UGT1A7: variants seen among roughly 807,000 people sequenced by gnomAD.
The protein encoded by UGT1A7 is UDP glucuronosyltransferase family 1 member A7.
In UGT1A7, 33 loss-of-function variants were observed where a neutral mutation model predicts 45.6. The observed-to-expected ratio is 0.72, with a 90% confidence interval of 0.55 to 0.97. The LOEUF is 0.97. Among genes scored for constraint, UGT1A7 ranks in the 50% least tolerant of loss-of-function variants. UGT1A7 has a pLI of 0.00. For missense variants in UGT1A7, 684 were observed against 666.2 expected (o/e 1.03, Z -0.29); for synonymous variants, 274 against 250.6 (o/e 1.09, Z -0.88).
chr2:233,719,086 T>C lies in UGT1A7; in HGVS notation c.855+36294T>C, dbSNP rs374586565. The stretch of plus-strand genomic sequence containing the variant: ...GCTGTTCCATGGACCCAGAAGGAAT[T>C]TGATCGCGTTACGCTGGGCTACACT... On this transcript the variant is annotated intron_variant, in intron 1 of 4. Transcript: ENST00000373426. 69 of 1,614,132 alleles carry C rather than the reference T, an allele frequency of 4.3e-5. No individual in the cohort carries two copies. The highest frequency in any genetic ancestry group is 5.4e-5 in the Non-Finnish European group (64 of 1,180,050).
chr2:233,755,297 AC>A (rs1695850513), intron 1 of UGT1A7: 1 of 623,324 alleles, frequency 1.6e-6, no homozygotes, highest in Admixed American at 3.1e-5. Context: ...CCTGCGGGGC[AC>A]TGGCACAGCG....
intron 1 of UGT1A7, among the ~76,000 whole-genome samples, chr2:233,717,005 G>A (rs2125651164): frequency 6.6e-6 from 1 of 152,262 alleles, no homozygotes; most frequent in South Asian, 2.1e-4. Context: ...GGGCCCCTAT[G>A]TCTCTGAAGG....
intron 1 of UGT1A7, chr2:233,729,995 T>A (rs776522612): frequency 3.7e-6 from 6 of 1,613,982 alleles, no homozygotes; most frequent in Non-Finnish European, 4.2e-6. Flanking sequence ...CTATCTCAGG[T>A]CTGTATTGGT....
At chr2:233,684,484 G>A (rs1575433006) in intron 1 of UGT1A7, among the ~76,000 whole-genome samples, 1 of 152,086 alleles carries the variant, frequency 6.6e-6, no homozygotes, top group African/African-American at 2.4e-5. Context: ...GTGGCTCAAA[G>A]GGTCACCCAA....
chr2:233,711,613 G>A (rs1218892804), intron 1 of UGT1A7, among the ~76,000 whole-genome samples: 1 of 152,182 alleles, frequency 6.6e-6, no homozygotes, highest in Non-Finnish European at 1.5e-5. Context: ...CCCTCTGGTG[G>A]ACAGCTCCAT....
intron 1 of UGT1A7, among the ~76,000 whole-genome samples, chr2:233,765,768 G>T (rs35640782): frequency 0.021 from 3,251 of 152,014 alleles, 121 homozygotes; most frequent in African/African-American, 0.073. Flanking sequence ...ATTCTTGGGG[G>T]ATTCATTGGA....
intron 1 of UGT1A7, chr2:233,693,983 G>A (rs1179737646): frequency 9.7e-6 from 15 of 1,552,110 alleles, no homozygotes; most frequent in African/African-American, 1.4e-5. Context: ...ACGGTGGGGG[G>A]AAGTGATACC....
intron 1 of UGT1A7, chr2:233,747,202 T>G: frequency 5.0e-6 from 8 of 1,604,908 alleles, no homozygotes; most frequent in South Asian, 1.1e-5. Context: ...GCTGTCCGTG[T>G]CTTCTGCTGA....
chr2:233,722,507 T>C lies in UGT1A7; in HGVS notation c.855+39715T>C, dbSNP rs188387982. 9.8e-5 allele frequency among the ~76,000 whole-genome samples: 15 copies of C among 152,358 alleles called. No individual in the cohort carries two copies. The East Asian group carries it at 1.5e-3, about 16-fold the overall frequency. On this transcript the variant is annotated intron_variant, in intron 1 of 4. Transcript: ENST00000373426. The stretch of plus-strand genomic sequence containing the variant: ...ACTGTTTCATTTTCCGTTTCGTTAA[T>C]TGCAGCTTATTTTTGCCTTAATGAT...
chr2:233,741,224 C>T lies in UGT1A7; in HGVS notation c.856-25810C>T, dbSNP rs565131356. ...AAAACTAGCCAGAGTTGTTACAGAC[C>T]CACTACCTCTGAGTGACACTGGTAT... On this transcript the variant is annotated intron_variant, in intron 1 of 4. Transcript: ENST00000373426. Among the ~76,000 whole-genome samples, 4 of 151,908 alleles carry T rather than the reference C, an allele frequency of 2.6e-5. No individual in the cohort carries two copies. The South Asian group carries it at 8.3e-4, about 32-fold the overall frequency.
At chr2:233,685,760 A>G (rs1675138533) in intron 1 of UGT1A7, among the ~76,000 whole-genome samples, 2 of 152,342 alleles carry the variant, frequency 1.3e-5, no homozygotes, top group Admixed American at 6.5e-5. Context: ...TTTTAAAGAA[A>G]AATTTTGACT....
At chr2:233,688,240 G>A (rs546662065) in intron 1 of UGT1A7, among the ~76,000 whole-genome samples, 1 of 152,328 alleles carries the variant, frequency 6.6e-6, no homozygotes, top group South Asian at 2.1e-4. Context: ...GCATGAATCA[G>A]TATTTCATTC....
chr2:233,698,815 T>C (rs2075464153), intron 1 of UGT1A7, among the ~76,000 whole-genome samples: 1 of 152,234 alleles, frequency 6.6e-6, no homozygotes, highest in Non-Finnish European at 1.5e-5. Flanking sequence ...CCTCGCCTTG[T>C]GGAAGAGTAA....
At chr2:233,760,997 T>A in intron 1 of UGT1A7, 2 of 1,614,168 alleles carry the variant, frequency 1.2e-6, no homozygotes, top group South Asian at 2.2e-5. Flanking sequence ...GCCTCAGAAT[T>A]CCTTCAGAGA....
At chr2:233,709,172 T>C (rs2076061956) in intron 1 of UGT1A7, among the ~76,000 whole-genome samples, 1 of 152,170 alleles carries the variant, frequency 6.6e-6, no homozygotes, top group South Asian at 2.1e-4. Flanking sequence ...GGTCACATGT[T>C]CTATCCTGAG....
At chr2:233,727,367 A>G (rs1174142839) in intron 1 of UGT1A7, among the ~76,000 whole-genome samples, 6 of 152,052 alleles carry the variant, frequency 3.9e-5, no homozygotes, top group Non-Finnish European at 7.4e-5. Flanking sequence ...TAGGGCCCCT[A>G]GGTCTCTGGA....
intron 1 of UGT1A7, among the ~76,000 whole-genome samples, chr2:233,739,298 C>T (rs11691827): frequency 0.094 from 14,308 of 152,206 alleles, 1,367 homozygotes; most frequent in African/African-American, 0.26. Flanking sequence ...CACTGGGGCA[C>T]TGCCTAGTGG....
At chr2:233,760,433 A>G (rs771774728) in intron 1 of UGT1A7, 1 of 1,614,234 alleles carries the variant, frequency 6.2e-7, no homozygotes, top group Non-Finnish European at 8.5e-7. Context: ...GCCATCCAGC[A>G]GCTGCAGCAG....
intron 1 of UGT1A7, among the ~76,000 whole-genome samples, chr2:233,725,937 A>T (rs911094598): frequency 6.6e-6 from 1 of 152,148 alleles, no homozygotes; most frequent in Non-Finnish European, 1.5e-5. Context: ...AGACTGATGC[A>T]GGAGGATTGT....
Sources: allele counts gnomAD v4.1 joint callset (sites outside exome capture counted in the v4.1 genomes callset), GRCh38; gene constraint gnomAD v4.1.1; transcripts MANE v1.5; gene names NCBI Gene and HGNC (gene_info 2026-07-23, HGNC 2026-07-21).